The following SPOCK3 variants were observed in gnomAD, a reference collection of about 807,000 sequenced individuals.
The protein encoded by SPOCK3 is SPARC (osteonectin), cwcv and kazal like domains proteoglycan 3.
Under a neutral mutation model 56.6 loss-of-function variants are expected in SPOCK3, and 30 were observed. The ratio of observed to expected loss-of-function variants is 0.53; its 90% CI spans 0.40 to 0.72. The LOEUF (loss-of-function observed/expected upper bound fraction) is 0.72. SPOCK3 is among the 30% of genes least tolerant of loss of function. The probability of loss-of-function intolerance (pLI) is 0.00; values close to 1 mark genes in which losing one functional copy is unlikely to be tolerated. For synonymous variants in SPOCK3, 196 were observed against 183.3 expected (o/e 1.07, Z -0.56); for missense variants, 527 against 530.0 (o/e 0.99, Z 0.06).
intron 6 of SPOCK3, among the ~76,000 whole-genome samples, chr4:166,819,962 C>T (rs1248505972): frequency 6.6e-6 from 1 of 151,926 alleles, no homozygotes; most frequent in Non-Finnish European, 1.5e-5. Context: ...CCTCAAGTGA[C>T]CTTCCTGCCT....
At chr4:167,019,108 T>G (rs1247179516) in intron 3 of SPOCK3, among the ~76,000 whole-genome samples, 1 of 152,036 alleles carries the variant, frequency 6.6e-6, no homozygotes, top group East Asian at 1.9e-4. Context: ...CAACCCTCCC[T>G]CTGATCAGTC....
intron 6 of SPOCK3, among the ~76,000 whole-genome samples, chr4:166,829,079 G>T (rs1745766544): frequency 6.6e-6 from 1 of 151,994 alleles, no homozygotes. Context: ...GTTTTTGCAA[G>T]TGGTTTCCAC....
At chr4:167,200,976 C>A (rs1733458861) in intron 2 of SPOCK3, among the ~76,000 whole-genome samples, 1 of 151,990 alleles carries the variant, frequency 6.6e-6, no homozygotes, top group Admixed American at 6.6e-5. Flanking sequence ...CTTAATTTTA[C>A]CTCTTGCTGC....
intron 2 of SPOCK3, among the ~76,000 whole-genome samples, chr4:167,174,437 A>G (rs1354242332): frequency 1.4e-5 from 1 of 72,912 alleles, no homozygotes; most frequent in Non-Finnish European, 2.4e-5. Flanking sequence ...TAAAATTTTG[A>G]AAAAAAAAAA....
At chr4:167,094,695 ACTTTC>A (rs982891497) in intron 2 of SPOCK3, among the ~76,000 whole-genome samples, 2 of 152,122 alleles carry the variant, frequency 1.3e-5, no homozygotes, top group African/African-American at 4.8e-5. Context: ...GAAACTAGAC[ACTTTC>A]CTTTTAAGAT....
intron 8 of SPOCK3, among the ~76,000 whole-genome samples, chr4:166,742,915 C>T (rs570035172): frequency 9.9e-5 from 15 of 151,994 alleles, no homozygotes; most frequent in Admixed American, 1.3e-4. Context: ...ATTCAACCAA[C>T]CGCTAATTGA....
intron 3 of SPOCK3, among the ~76,000 whole-genome samples, chr4:167,004,507 G>T (rs1172506876): frequency 3.3e-5 from 5 of 152,096 alleles, no homozygotes; most frequent in African/African-American, 1.2e-4. Context: ...GGCCTGGCAT[G>T]ATTTTAGCTA....
At chr4:166,766,863 G>A (rs1052971613) in intron 7 of SPOCK3, among the ~76,000 whole-genome samples, 18 of 151,990 alleles carry the variant, frequency 1.2e-4, no homozygotes, top group South Asian at 4.2e-4. Flanking sequence ...CCTCAATTTC[G>A]GAACCTGTTA....
intron 4 of SPOCK3, among the ~76,000 whole-genome samples, chr4:166,954,403 C>T (rs985355077): frequency 6.6e-6 from 1 of 152,082 alleles, no homozygotes; most frequent in Non-Finnish European, 1.5e-5. Context: ...AAGTTTTCCC[C>T]TATGATTTTT....
At chr4:167,024,047 T>A (rs1751454350) in intron 3 of SPOCK3, among the ~76,000 whole-genome samples, 1 of 152,006 alleles carries the variant, frequency 6.6e-6, no homozygotes, top group Non-Finnish European at 1.5e-5. Context: ...TAACGGTGAA[T>A]CTCTCTCCCG....
At chr4:166,943,184 A>G (rs1410457538) in intron 4 of SPOCK3, among the ~76,000 whole-genome samples, 1 of 152,204 alleles carries the variant, frequency 6.6e-6, no homozygotes, top group Non-Finnish European at 1.5e-5. Context: ...AATTTTTAAA[A>G]ATGATAAAGT....
chr4:166,931,329 G>T (rs1272629276), intron 4 of SPOCK3, among the ~76,000 whole-genome samples: 2 of 142,238 alleles, frequency 1.4e-5, no homozygotes, highest in Non-Finnish European at 3.1e-5. Context: ...CTAGGTGTGT[G>T]TGGGGGGTGG....
intron 4 of SPOCK3, among the ~76,000 whole-genome samples, chr4:166,924,257 T>A (rs1407362933): frequency 6.6e-6 from 1 of 152,186 alleles, no homozygotes; most frequent in African/African-American, 2.4e-5. Flanking sequence ...GTTCAGCCTA[T>A]CAAAGACTCT....
At chr4:166,797,262 A>T (rs1579255688) in intron 6 of SPOCK3, among the ~76,000 whole-genome samples, 8 of 100,276 alleles carry the variant, frequency 8.0e-5, no homozygotes, top group Admixed American at 2.3e-4. Flanking sequence ...TTTGAGAAGG[A>T]GTCTCACTCT....
chr4:167,154,265 G>A (rs1302140313), intron 2 of SPOCK3, among the ~76,000 whole-genome samples: 1 of 151,880 alleles, frequency 6.6e-6, no homozygotes, highest in Admixed American at 6.6e-5. Flanking sequence ...TAGAAAGAGA[G>A]TAAGATTATA....
At chr4:166,859,809 G>A (rs970208267) in intron 6 of SPOCK3, among the ~76,000 whole-genome samples, 3 of 151,884 alleles carry the variant, frequency 2.0e-5, no homozygotes, top group Non-Finnish European at 2.9e-5. Flanking sequence ...TCAGAAATAG[G>A]GCACCACATT....
intron 2 of SPOCK3, among the ~76,000 whole-genome samples, chr4:167,142,191 C>T (rs1763590339): frequency 6.6e-6 from 1 of 151,832 alleles, no homozygotes; most frequent in Non-Finnish European, 1.5e-5. Flanking sequence ...TGGAAGAGGT[C>T]CCCAAGCAAT....
chr4:167,147,326 A>G (rs972338162), intron 2 of SPOCK3, among the ~76,000 whole-genome samples: 2 of 152,288 alleles, frequency 1.3e-5, no homozygotes, highest in East Asian at 1.9e-4. Flanking sequence ...TAGCCTCCCA[A>G]CCAAAAAAAG....
intron 2 of SPOCK3, among the ~76,000 whole-genome samples, chr4:167,208,511 A>G (rs1015460874): frequency 6.6e-6 from 1 of 152,156 alleles, no homozygotes; most frequent in East Asian, 1.9e-4. Flanking sequence ...AGAGTCAAAC[A>G]GGCCAAATCT....
Sources: gnomAD v4.1 joint callset for allele counts (sites outside exome capture counted in the v4.1 genomes callset) on GRCh38, gnomAD v4.1.1 for gene constraint, MANE v1.5 for transcripts, NCBI Gene and HGNC (gene_info 2026-07-23, HGNC 2026-07-21) for gene names.